Variants in LRRTM4 observed in about 807,000 individuals in gnomAD.
LRRTM4 encodes the protein leucine-rich repeat transmembrane neuronal protein 4.
LRRTM4 carries 25 observed loss-of-function variants against 47.6 expected under a neutral mutation model. The observed-to-expected ratio is 0.53, with a 90% CI of 0.38 to 0.73. LRRTM4 has a LOEUF of 0.73. LRRTM4 is among the 30% of genes least tolerant of loss of function. The pLI is 0.00. For missense variants in LRRTM4, 638 were observed against 713.4 expected (o/e 0.89, Z 1.20); for synonymous variants, 311 against 269.5 (o/e 1.15, Z -1.51).
intron 3 of LRRTM4, among the ~76,000 whole-genome samples, chr2:77,453,176 A>ATTTTTTTTTT (rs1162461607): frequency 2.0e-5 from 2 of 99,506 alleles, no homozygotes; most frequent in African/African-American, 7.7e-5. Context: ...TTTCTTCTTG[A>ATTTTTTTTTT]TTTTTTTTTT....
At chr2:77,388,745 A>C (rs1673384983) in intron 3 of LRRTM4, among the ~76,000 whole-genome samples, 1 of 152,070 alleles carries the variant, frequency 6.6e-6, no homozygotes, top group Admixed American at 6.6e-5. Flanking sequence ...CATGCTGGTG[A>C]ATCTGTTTTA....
At chr2:76,871,769 A>G (rs546490334) in intron 3 of LRRTM4, among the ~76,000 whole-genome samples, 6 of 152,272 alleles carry the variant, frequency 3.9e-5, no homozygotes, top group African/African-American at 1.4e-4. Context: ...CTGATAGACT[A>G]TCTCCTTTAC....
At chr2:77,518,031 T>C in intron 3 of LRRTM4, 1 of 1,137,362 alleles carries the variant, frequency 8.8e-7, no homozygotes, top group Non-Finnish European at 1.1e-6. Flanking sequence ...TGTTTTTAAG[T>C]CCAACCCCTG....
intron 3 of LRRTM4, among the ~76,000 whole-genome samples, chr2:77,175,453 T>C (rs1365673254): frequency 6.6e-6 from 1 of 152,136 alleles, no homozygotes; most frequent in Non-Finnish European, 1.5e-5. Context: ...CTCGTGGCTC[T>C]GGAATGTGTC....
At chr2:77,101,259 A>T (rs1461839739) in intron 3 of LRRTM4, among the ~76,000 whole-genome samples, 4 of 152,214 alleles carry the variant, frequency 2.6e-5, no homozygotes, top group Non-Finnish European at 5.9e-5. Flanking sequence ...AGGGTTGGTA[A>T]ATAAAGCATT....
chr2:76,826,452 C>A (rs1310373512), intron 3 of LRRTM4, among the ~76,000 whole-genome samples: 2 of 151,374 alleles, frequency 1.3e-5, no homozygotes, highest in Non-Finnish European at 3.0e-5. Context: ...CTATTAAGGG[C>A]AACACTGAGG....
At chr2:77,073,177 GTTT>G (rs146281985) in intron 3 of LRRTM4, among the ~76,000 whole-genome samples, 4 of 147,368 alleles carry the variant, frequency 2.7e-5, no homozygotes, top group Non-Finnish European at 6.0e-5. Flanking sequence ...GTTCTTCAGT[GTTT>G]TTTTTTTCCC....
chr2:77,205,916 G>T (rs759192756), intron 3 of LRRTM4, among the ~76,000 whole-genome samples: 96 of 150,920 alleles, frequency 6.4e-4, no homozygotes, highest in South Asian at 4.2e-3. Context: ...GCCCACTGCA[G>T]CCTCTACCTC....
intron 3 of LRRTM4, among the ~76,000 whole-genome samples, chr2:77,505,273 C>G (rs1004218066): frequency 1.1e-4 from 16 of 150,058 alleles, no homozygotes; most frequent in African/African-American, 3.9e-4. Flanking sequence ...TATTCCTCAC[C>G]AAAAAAAGAA....
At chr2:77,061,167 C>T (rs1679773542) in intron 3 of LRRTM4, among the ~76,000 whole-genome samples, 1 of 151,456 alleles carries the variant, frequency 6.6e-6, no homozygotes, top group Non-Finnish European at 1.5e-5. Flanking sequence ...AGTAGTCCTT[C>T]TTATATCACA....
chr2:77,030,054 C>T (rs1184183867), intron 3 of LRRTM4, among the ~76,000 whole-genome samples: 1 of 152,182 alleles, frequency 6.6e-6, no homozygotes, highest in Non-Finnish European at 1.5e-5. Flanking sequence ...AAAATTTTGT[C>T]TCATTAAAAA....
Position 77,078,358 on chromosome 2 carries a change from T to C in LRRTM4, c.1552-329442A>G, listed in dbSNP as rs189845241. 7.0e-5 allele frequency among the ~76,000 whole-genome samples: 10 copies of C among 142,426 alleles called. No individual in the cohort carries two copies. In the East Asian group the frequency reaches 2.2e-3, roughly 31 times the overall value. The allele number at this position is 142,426 out of a possible 152,430, so 93.4% of individuals were successfully genotyped here. A position where few individuals can be genotyped will look rare whatever the true frequency, so the allele number is the denominator to read the frequency against. On this transcript the variant is annotated intron_variant, in intron 3 of 3. Coordinates refer to ENST00000409884, the MANE Select transcript of LRRTM4 (RefSeq NM_001134745.3). The stretch of plus-strand genomic sequence containing the variant: ...AAAGATAATTTTATTGAAAAAAATA[T>C]GTTTGTCTATTACACACACACCCAC...
intron 3 of LRRTM4, among the ~76,000 whole-genome samples, chr2:77,054,149 G>A (rs1679526819): frequency 6.7e-6 from 1 of 150,110 alleles, no homozygotes; most frequent in African/African-American, 2.5e-5. Context: ...GAGTTGTTCT[G>A]AGGAGTCAGT....
At chr2:76,993,805 G>T (rs964758607) in intron 3 of LRRTM4, among the ~76,000 whole-genome samples, 2 of 151,944 alleles carry the variant, frequency 1.3e-5, no homozygotes, top group Non-Finnish European at 2.9e-5. Context: ...ACACGCCCTT[G>T]TAAGTTTATT....
chr2:76,784,244 GATAA>G (rs757388141), intron 3 of LRRTM4, among the ~76,000 whole-genome samples: 40 of 152,062 alleles, frequency 2.6e-4, no homozygotes, highest in Admixed American at 1.2e-3. Context: ...ACATTATTCA[GATAA>G]ATAAATCATA....
At chr2:76,897,591 T>C (rs530558714) in intron 3 of LRRTM4, among the ~76,000 whole-genome samples, 1 of 152,248 alleles carries the variant, frequency 6.6e-6, no homozygotes, top group African/African-American at 2.4e-5. Context: ...CTCAAATCCT[T>C]AGGCCTTTGT....
At chr2:77,040,495 G>GTCA (rs1678990790) in intron 3 of LRRTM4, among the ~76,000 whole-genome samples, 1 of 151,352 alleles carries the variant, frequency 6.6e-6, no homozygotes, top group Non-Finnish European at 1.5e-5. Context: ...GAGAAACAAG[G>GTCA]TCATCAAGCT....
At chr2:77,074,139 A>G (rs1281469470) in intron 3 of LRRTM4, among the ~76,000 whole-genome samples, 1 of 152,166 alleles carries the variant, frequency 6.6e-6, no homozygotes, top group Non-Finnish European at 1.5e-5. Context: ...TGGATATTTT[A>G]ACTGGCTCCA....
chr2:77,139,716 T>C (rs769905404), intron 3 of LRRTM4, among the ~76,000 whole-genome samples: 23 of 152,296 alleles, frequency 1.5e-4, no homozygotes, highest in Non-Finnish European at 2.9e-4. Context: ...ATTATATATT[T>C]AGAAAACCCT....
Sources: allele counts gnomAD v4.1 joint callset (sites outside exome capture counted in the v4.1 genomes callset), GRCh38; gene constraint gnomAD v4.1.1; transcripts MANE v1.5; gene names NCBI Gene and HGNC (gene_info 2026-07-23, HGNC 2026-07-21).